Variants in RASAL2 observed in about 807,000 individuals in gnomAD.
RASAL2 encodes the protein RAS protein activator like 2.
In RASAL2, 58 loss-of-function variants were observed where a neutral mutation model predicts 128.9. The observed-to-expected ratio is 0.45, with a 90% CI of 0.36 to 0.56. The LOEUF is 0.56. RASAL2 is among the 20% of genes least tolerant of loss of function. The probability of loss-of-function intolerance (pLI) is 0.00; values close to 1 mark genes in which losing one functional copy is unlikely to be tolerated. For synonymous variants in RASAL2, 561 were observed against 580.8 expected (o/e 0.97, Z 0.49); for missense variants, 1,360 against 1,601.6 (o/e 0.85, Z 2.57).
Position 178,442,902 on chromosome 1 carries a change from A to G in RASAL2, c.1155A>G (p.Lys385=), listed in dbSNP as rs1288818518. The change falls in exon 8 of 18, where the codon AAA becomes AAG. Residue 385 remains lysine (K), a synonymous_variant. Coordinates refer to ENST00000367649, the MANE Select transcript of RASAL2 (RefSeq NM_170692.4). ...ITVHIYKDVE[K]KKKKDKNNYV... ...TTCACATTTACAAGGATGTGGAAAA[A>G]AAGAAAAAAAAGGACAAGAATAATT... 1.9e-6 allele frequency: 3 copies of G among 1,613,818 alleles called. No individual in the cohort carries two copies. The highest frequency in any genetic ancestry group is 2.5e-6 in the Non-Finnish European group (3 of 1,179,916).
chr1:178,209,943 T>C (rs1422628319), intron 1 of RASAL2, among the ~76,000 whole-genome samples: 2 of 152,098 alleles, frequency 1.3e-5, no homozygotes, highest in East Asian at 3.9e-4. Context: ...GATTGATATC[T>C]TTTATCAAAT....
chr1:178,358,982 C>G (rs999551421), intron 3 of RASAL2, among the ~76,000 whole-genome samples: 4 of 151,770 alleles, frequency 2.6e-5, no homozygotes, highest in African/African-American at 9.7e-5. Flanking sequence ...ATACAGTAGT[C>G]AAATAAACTA....
chr1:178,392,521 T>G (rs149868463), intron 4 of RASAL2, among the ~76,000 whole-genome samples: 2 of 152,336 alleles, frequency 1.3e-5, no homozygotes, highest in African/African-American at 4.8e-5. Context: ...TACTTGCTGC[T>G]GAAGCATTAA....
At chr1:178,198,345 C>T (rs1662746145) in intron 1 of RASAL2, among the ~76,000 whole-genome samples, 1 of 152,162 alleles carries the variant, frequency 6.6e-6, no homozygotes, top group African/African-American at 2.4e-5. Flanking sequence ...TCCTATTTCT[C>T]CACATCCTCT....
At chr1:178,371,339 C>A (rs182863268) in intron 3 of RASAL2, among the ~76,000 whole-genome samples, 81 of 138,128 alleles carry the variant, frequency 5.9e-4, no homozygotes, top group Middle Eastern at 3.7e-3. Flanking sequence ...CACACACACA[C>A]ACACACACAC....
intron 1 of RASAL2, among the ~76,000 whole-genome samples, chr1:178,107,891 C>G (rs1013611289): frequency 1.3e-5 from 2 of 152,070 alleles, no homozygotes; most frequent in African/African-American, 4.8e-5. Flanking sequence ...CACATTTTGT[C>G]TGTTTTGAAT....
chr1:178,216,542 T>A (rs962075640), intron 1 of RASAL2, among the ~76,000 whole-genome samples: 6 of 152,248 alleles, frequency 3.9e-5, no homozygotes, highest in Non-Finnish European at 7.3e-5. Context: ...ATCGTAAAAA[T>A]AACATTCCTT....
chr1:178,265,073 T>C (rs1665881826), intron 1 of RASAL2, among the ~76,000 whole-genome samples: 1 of 152,236 alleles, frequency 6.6e-6, no homozygotes, highest in African/African-American at 2.4e-5. Flanking sequence ...AGACCAAATA[T>C]GTATTTCTTA....
At chr1:178,454,746 C>A in intron 12 of RASAL2, 98 bp downstream of exon 12, 2 of 1,014,692 alleles carry the variant, frequency 2.0e-6, no homozygotes, top group Non-Finnish European at 2.9e-6. Context: ...TAATTGAAAG[C>A]AACTGTTTAC....
chr1:178,220,190 T>A (rs758947378), intron 1 of RASAL2, among the ~76,000 whole-genome samples: 1 of 152,140 alleles, frequency 6.6e-6, no homozygotes, highest in Non-Finnish European at 1.5e-5. Context: ...TGAACAGACC[T>A]CTTTTTTAAA....
chr1:178,303,771 T>G (rs979556129), intron 3 of RASAL2, among the ~76,000 whole-genome samples: 7 of 152,086 alleles, frequency 4.6e-5, no homozygotes, highest in Admixed American at 6.6e-5. Flanking sequence ...ATATAAATGC[T>G]TCCTCGTAGA....
intron 1 of RASAL2, among the ~76,000 whole-genome samples, chr1:178,245,193 A>G (rs1471646204): frequency 1.3e-5 from 2 of 152,246 alleles, no homozygotes; most frequent in African/African-American, 4.8e-5. Context: ...ACTGCCACCA[A>G]CAGTGTAAAA....
chr1:178,345,094 C>A (rs1431920931), intron 3 of RASAL2, among the ~76,000 whole-genome samples: 1 of 152,106 alleles, frequency 6.6e-6, no homozygotes, highest in South Asian at 2.1e-4. Context: ...CTACTCAAAC[C>A]GTGTCATTAA....
At chr1:178,350,764 A>G (rs1490149308) in intron 3 of RASAL2, among the ~76,000 whole-genome samples, 2 of 152,152 alleles carry the variant, frequency 1.3e-5, no homozygotes, top group East Asian at 3.8e-4. Flanking sequence ...GGCCACTGTT[A>G]TGTCCCATTT....
chr1:178,398,842 T>C (rs1212806732), intron 4 of RASAL2, among the ~76,000 whole-genome samples: 1 of 152,144 alleles, frequency 6.6e-6, no homozygotes, highest in Non-Finnish European at 1.5e-5. Flanking sequence ...AATTCATTCA[T>C]CCCCTTTTCC....
intron 1 of RASAL2, among the ~76,000 whole-genome samples, chr1:178,150,032 A>T (rs944631126): frequency 2.6e-5 from 4 of 152,176 alleles, no homozygotes; most frequent in African/African-American, 9.7e-5. Flanking sequence ...ATCCTATTTT[A>T]GGAGAGTTAG....
chr1:178,200,511 C>T (rs866023091), intron 1 of RASAL2, among the ~76,000 whole-genome samples: 10 of 152,230 alleles, frequency 6.6e-5, no homozygotes, highest in Admixed American at 2.6e-4. Flanking sequence ...ATAATGAACT[C>T]GGGGCTTCTA....
chr1:178,261,361 C>G (rs1477726590), intron 1 of RASAL2, among the ~76,000 whole-genome samples: 1 of 152,128 alleles, frequency 6.6e-6, no homozygotes, highest in Non-Finnish European at 1.5e-5. Context: ...CAACTTAGCT[C>G]TACATATCTT....
At chr1:178,381,374 A>C (rs1672274481) in intron 3 of RASAL2, among the ~76,000 whole-genome samples, 1 of 152,154 alleles carries the variant, frequency 6.6e-6, no homozygotes, top group Admixed American at 6.5e-5. Context: ...GAAATAAGAC[A>C]AAATGAAGCC....
Sources: allele counts gnomAD v4.1 joint callset (sites outside exome capture counted in the v4.1 genomes callset), GRCh38; gene constraint gnomAD v4.1.1; transcripts MANE v1.5; gene names NCBI Gene and HGNC (gene_info 2026-07-23, HGNC 2026-07-21).